Variants in CAST observed in about 807,000 individuals in gnomAD.
CAST encodes the protein calpastatin, also known as MIR583 host.
In CAST, 76 loss-of-function variants were observed where a neutral mutation model predicts 119.6. The ratio of observed to expected loss-of-function variants is 0.64; its 90% CI spans 0.53 to 0.77. The LOEUF is 0.77. Ranked by LOEUF, CAST falls within the 30% of genes least tolerant of loss-of-function variation. The pLI, the probability that CAST is intolerant of heterozygous loss-of-function variation, is 0.00. For missense variants in CAST, 953 were observed against 946.5 expected (o/e 1.01, Z -0.09); for synonymous variants, 319 against 331.6 (o/e 0.96, Z 0.41).
At chr5:96,749,245 C>T (rs1304613054) in intron 19 of CAST, among the ~76,000 whole-genome samples, 1 of 152,198 alleles carries the variant, frequency 6.6e-6, no homozygotes, top group Non-Finnish European at 1.5e-5. Flanking sequence ...GCTTTTCCCT[C>T]CCTAAGCTAT....
At chr5:96,543,218 T>C (rs1475053027) in intron 1 of CAST, among the ~76,000 whole-genome samples, 2 of 152,228 alleles carry the variant, frequency 1.3e-5, no homozygotes, top group Admixed American at 6.5e-5. Flanking sequence ...AAGAATGAGT[T>C]CGTGTCCTTT....
At chr5:96,688,630 C>T (rs552226226) in intron 2 of CAST, among the ~76,000 whole-genome samples, 17 of 152,060 alleles carry the variant, frequency 1.1e-4, no homozygotes, top group Non-Finnish European at 1.3e-4. Context: ...CAATTCTATT[C>T]ATATAACATA....
At chr5:96,076,501 G>C in the CAST span, among the ~76,000 whole-genome samples, 10 of 152,270 alleles carry the variant, frequency 6.6e-5, no homozygotes, top group Non-Finnish European at 1.5e-4. Flanking sequence ...ATCCTTCTGC[G>C]TGTAAATAAA....
the CAST span, among the ~76,000 whole-genome samples, chr5:96,373,262 G>A: frequency 6.6e-6 from 1 of 152,158 alleles, no homozygotes; most frequent in Non-Finnish European, 1.5e-5. Flanking sequence ...CTACTTGTGG[G>A]CTGGAGATTA....
At chr5:96,228,590 T>C in the CAST span, among the ~76,000 whole-genome samples, 3 of 152,216 alleles carry the variant, frequency 2.0e-5, no homozygotes, top group East Asian at 5.8e-4. Context: ...TTTTTGCTAA[T>C]ACGCATAAAT....
At chr5:96,303,853 T>C in the CAST span, among the ~76,000 whole-genome samples, 2 of 152,226 alleles carry the variant, frequency 1.3e-5, no homozygotes, top group African/African-American at 4.8e-5. Context: ...CTATCATTAA[T>C]GGGCATTTGG....
At chr5:96,659,240 A>T (rs1211632949), upstream of CAST, among the ~76,000 whole-genome samples, 1 of 152,238 alleles carries the variant, frequency 6.6e-6, no homozygotes, top group East Asian at 1.9e-4. Context: ...ACATGAGGTG[A>T]ACACACATGC....
the CAST span, among the ~76,000 whole-genome samples, chr5:95,963,081 T>C: frequency 6.6e-6 from 1 of 152,254 alleles, no homozygotes; most frequent in African/African-American, 2.4e-5. Context: ...AAACACCAGA[T>C]AAAACAAACC....
chr5:96,158,527 G>A, the CAST span, among the ~76,000 whole-genome samples: 23 of 152,236 alleles, frequency 1.5e-4, no homozygotes, highest in East Asian at 2.5e-3. Flanking sequence ...GTCGGGGGGA[G>A]GACAGTAATT....
Position 96,695,836 on chromosome 5 carries a change from A to C in CAST, c.139A>C (p.Lys47Gln), listed in dbSNP as rs763685307. The C allele has an allele frequency of 6.2e-7, 1 of 1,608,810 alleles. No individual in the cohort carries two copies. The highest frequency in any genetic ancestry group is 1.1e-5 in the South Asian group (1 of 90,756). The change falls in exon 3 of 32, where the codon AAA becomes CAA. Residue 47 changes from lysine (K) to glutamine (Q), a missense_variant and splice_region_variant. Lys to Gln is a moderately conservative substitution (Grantham distance 53, BLOSUM62 1). Transcript: ENST00000675179. ...KPGEKKGSDE[K>Q]KAASLGSSQS... ...GAAACTAATATTTTCTATTTTCAAG[A>C]AAAAAGCAGCAAGCCTCGGCAGCAG...
At chr5:96,236,160 CCTAT>C in the CAST span, among the ~76,000 whole-genome samples, 2 of 151,810 alleles carry the variant, frequency 1.3e-5, no homozygotes, top group African/African-American at 2.4e-5. Flanking sequence ...CATCTATCTA[CCTAT>C]CTATCTGTGG....
At chr5:96,277,837 T>A in the CAST span, among the ~76,000 whole-genome samples, 1,192 of 152,102 alleles carry the variant, frequency 7.8e-3, 13 homozygotes, top group African/African-American at 0.028. Context: ...CTTAAACATT[T>A]AAAAAAATTG....
At chr5:96,072,830 G>T in the CAST span, among the ~76,000 whole-genome samples, 1 of 152,150 alleles carries the variant, frequency 6.6e-6, no homozygotes, top group Non-Finnish European at 1.5e-5. Context: ...CAACCTGTGC[G>T]TGTGCACACA....
At chr5:96,614,062 A>G (rs1293945476) in intron 1 of CAST, among the ~76,000 whole-genome samples, 4 of 152,198 alleles carry the variant, frequency 2.6e-5, no homozygotes, top group African/African-American at 9.7e-5. Context: ...CTAACAATAT[A>G]TCATCAGCAG....
chr5:96,210,802 A>T, the CAST span, among the ~76,000 whole-genome samples: 4,979 of 152,150 alleles, frequency 0.033, 293 homozygotes, highest in African/African-American at 0.11. Flanking sequence ...TGAGTCTACC[A>T]GTCATTAAAT....
rs530722749 is a variant in CAST, at chr5:96,637,260, G to A, written c.61-38279G>A. Reference sequence around the variant, plus strand: ...GCTAATTTTTGTAGCAACCATATAAGGGGTAGTTCCATTTCACAAATGAGA... The same window carrying A: ...GCTAATTTTTGTAGCAACCATATAAAGGGTAGTTCCATTTCACAAATGAGA... On this transcript the variant is annotated intron_variant, in intron 1 of 11. Transcript: ENST00000505143. Among the ~76,000 whole-genome samples the A allele has an allele frequency of 1.5e-4, 23 of 152,280 alleles. 1 individual carries two copies. The South Asian group carries it at 2.1e-3, about 14-fold the overall frequency.
the CAST span, among the ~76,000 whole-genome samples, chr5:96,273,251 T>G: frequency 1.3e-5 from 2 of 152,340 alleles, no homozygotes; most frequent in South Asian, 4.1e-4. Flanking sequence ...TGCCAAGCTG[T>G]TCTGTGAAGT....
chr5:96,767,581 C>A, intron 28 of CAST, 99 bp downstream of exon 28: 2 of 823,562 alleles, frequency 2.4e-6, no homozygotes, highest in Non-Finnish European at 4.1e-6. Flanking sequence ...AATGCCTACT[C>A]TGTGCCTGGT....
chr5:96,618,836 C>T (rs747212247), intron 1 of CAST, among the ~76,000 whole-genome samples: 5 of 152,248 alleles, frequency 3.3e-5, no homozygotes, highest in Admixed American at 6.5e-5. Context: ...CCCCGACAGG[C>T]GCTGCCCCCT....
Sources: allele counts gnomAD v4.1 joint callset (sites outside exome capture counted in the v4.1 genomes callset), GRCh38; gene constraint gnomAD v4.1.1; transcripts MANE v1.5; gene names NCBI Gene and HGNC (gene_info 2026-07-23, HGNC 2026-07-21).